The following RAB3IL1 variants were observed in gnomAD, a reference collection of about 807,000 sequenced individuals.
The protein encoded by RAB3IL1 is guanine nucleotide exchange factor for Rab-3A.
In RAB3IL1, 37 loss-of-function variants were observed where a neutral mutation model predicts 49.2. The ratio of observed to expected loss-of-function variants is 0.75; its 90% CI spans 0.58 to 0.99. The LOEUF (loss-of-function observed/expected upper bound fraction) is 0.99. Ranked by LOEUF, RAB3IL1 falls within the 50% of genes least tolerant of loss-of-function variation. RAB3IL1 has a pLI of 0.00. For missense variants in RAB3IL1, 484 were observed against 513.0 expected, an observed-to-expected ratio of 0.94 and a Z score of 0.55; for synonymous variants, 193 against 213.9, an observed-to-expected ratio of 0.90 and a Z score of 0.85.
chr11:61,933,985 C>CCA, the RAB3IL1 span, among the ~76,000 whole-genome samples: 2 of 151,906 alleles, frequency 1.3e-5, no homozygotes, highest in Non-Finnish European at 2.9e-5. Context: ...GCTATTAAGG[C>CCA]TCTACCAGTG....
At chr11:61,943,707 T>C in the RAB3IL1 span, among the ~76,000 whole-genome samples, 1 of 152,266 alleles carries the variant, frequency 6.6e-6, no homozygotes, top group African/African-American at 2.4e-5. Context: ...AATAAGCACA[T>C]GAGAAGATAC....
chr11:61,907,292 G>C, intron 4 of RAB3IL1, 101 bp downstream of exon 4: 1 of 1,274,648 alleles, frequency 7.8e-7, no homozygotes, highest in Non-Finnish European at 1.1e-6. Flanking sequence ...GCCCCACCGG[G>C]CCAGGTGAGC....
chr11:61,918,151 C>T (rs1305128703), upstream of RAB3IL1, among the ~76,000 whole-genome samples: 6 of 152,110 alleles, frequency 3.9e-5, no homozygotes, highest in African/African-American at 1.4e-4. Flanking sequence ...CCACCCCCAC[C>T]GACACACACA....
chr11:61,902,313 C>A (rs1032968005), intron 8 of RAB3IL1, 129 bp downstream of exon 8: 1 of 838,684 alleles, frequency 1.2e-6, no homozygotes, highest in East Asian at 2.8e-5. Flanking sequence ...GACTCTGTCT[C>A]AAAAAATAAA....
Position 61,917,344 on chromosome 11 carries a change from C to T in RAB3IL1, c.11+13G>A. The T allele has an allele frequency of 7.7e-7, 1 of 1,306,620 alleles. No individual in the cohort carries two copies. Among genetic ancestry groups the T allele is most frequent in the Non-Finnish European group, 9.7e-7 (1 of 1,027,930 alleles). The allele number at this position is 1,306,620 out of a possible 1,614,324, so 80.9% of individuals were successfully genotyped here. On this transcript the variant is annotated intron_variant, in intron 1 of 9. Coordinates refer to ENST00000394836, the MANE Select transcript of RAB3IL1 (RefSeq NM_013401.4). Reference sequence around the variant, plus strand: ...CAGACCCAGCGCGGGACCGCGAGCGCGCGCGGACCTACCCGCTCCACATCC... The same window carrying T: ...CAGACCCAGCGCGGGACCGCGAGCGTGCGCGGACCTACCCGCTCCACATCC...
In RAB3IL1 at chr11:61,904,558, C is replaced by G. The variant is rs1291464392; in HGVS notation, c.887G>C (p.Cys296Ser). ...LPTVKVAEVD[C>S]SSTNTCALSG... Reference sequence around the variant, plus strand: ...ACCCTCAGCTTACTTGGTGCTGCTACAGTCAACCTCGGCCACCTTCACTGT... The same window carrying G: ...ACCCTCAGCTTACTTGGTGCTGCTAGAGTCAACCTCGGCCACCTTCACTGT... Residue 296 changes from cysteine (C) to serine (S), a missense_variant, in exon 7 of 10, where the codon TGT (cysteine) becomes TCT (serine). Transcript: ENST00000394836. 1.2e-6 allele frequency: 2 copies of G among 1,610,658 alleles called. No individual in the cohort carries two copies. The highest frequency in any genetic ancestry group is 3.4e-5 in the Admixed American group (2 of 59,662).
chr11:61,937,198 A>T, the RAB3IL1 span, among the ~76,000 whole-genome samples: 1 of 152,220 alleles, frequency 6.6e-6, no homozygotes, highest in Non-Finnish European at 1.5e-5. Context: ...CAATAAAAAC[A>T]TGAAAGGTAG....
At chr11:61,904,088 T>C (rs746233268) in intron 7 of RAB3IL1, among the ~76,000 whole-genome samples, 17 of 151,782 alleles carry the variant, frequency 1.1e-4, no homozygotes, top group Non-Finnish European at 2.1e-4. Flanking sequence ...TCCCTCTCCG[T>C]GATGAGCCTC....
the RAB3IL1 span, among the ~76,000 whole-genome samples, chr11:61,931,583 G>A: frequency 0.49 from 74,573 of 151,830 alleles, 19,201 homozygotes; most frequent in East Asian, 0.87. Flanking sequence ...GTAAGCAGAA[G>A]AAAAGCAACT....
the RAB3IL1 span, among the ~76,000 whole-genome samples, chr11:61,927,996 A>C: frequency 6.6e-6 from 1 of 152,164 alleles, no homozygotes; most frequent in African/African-American, 2.4e-5. Flanking sequence ...CAAACTTTAT[A>C]CTTAAAGACT....
chr11:61,914,642 A>C (rs928558052), intron 1 of RAB3IL1, among the ~76,000 whole-genome samples: 1 of 152,156 alleles, frequency 6.6e-6, no homozygotes, highest in African/African-American at 2.4e-5. Context: ...CAGGAGTCCC[A>C]AAGAAGAGGA....
chr11:61,919,116 G>C (rs1939827496), upstream of RAB3IL1, among the ~76,000 whole-genome samples: 1 of 152,148 alleles, frequency 6.6e-6, no homozygotes, highest in African/African-American at 2.4e-5. Context: ...GACACAAAAG[G>C]AACCCAGCAC....
chr11:61,899,195 C>G, intron 9 of RAB3IL1, 119 bp downstream of exon 9: 1 of 1,156,084 alleles, frequency 8.6e-7, no homozygotes, highest in East Asian at 2.6e-5. Context: ...ACCCTCCCCG[C>G]TCCCCAGCCT....
At chr11:61,931,824 C>T in the RAB3IL1 span, among the ~76,000 whole-genome samples, 10 of 151,962 alleles carry the variant, frequency 6.6e-5, no homozygotes, top group Non-Finnish European at 1.3e-4. Context: ...GAAATGAAAA[C>T]AATGAGTAAG....
intron 8 of RAB3IL1, among the ~76,000 whole-genome samples, chr11:61,902,134 G>A (rs1938947846): frequency 6.6e-6 from 1 of 151,978 alleles, no homozygotes; most frequent in Non-Finnish European, 1.5e-5. Context: ...GGCCAACGTG[G>A]TGAAACCCCA....
chr11:61,944,193 C>T, the RAB3IL1 span, among the ~76,000 whole-genome samples: 1 of 112,576 alleles, frequency 8.9e-6, no homozygotes, highest in Non-Finnish European at 2.1e-5. Context: ...CCTTCCTTCC[C>T]TTCCTTCCTT....
rs937455094 is a variant in RAB3IL1 at position 61,906,169 on chromosome 11, T to C, written c.657+297A>G. ...TGTGTGTCTCAGTGGAGGCCCCAGATCCTCAGGGCCAAAGCCAGCCTCAGG... is the reference window on the plus strand; with the variant it reads ...TGTGTGTCTCAGTGGAGGCCCCAGACCCTCAGGGCCAAAGCCAGCCTCAGG... On this transcript the variant is annotated intron_variant, in intron 5 of 9. Transcript: ENST00000394836. This position sits in a 1 kb window ranked among gnomAD's most constrained non-coding sequence, Gnocchi z 4.6. Among the ~76,000 whole-genome samples, 5 of 151,934 alleles carry C rather than the reference T, an allele frequency of 3.3e-5. No individual in the cohort carries two copies. Among genetic ancestry groups the C allele is most frequent in the African/African-American group, 1.2e-4 (5 of 41,368 alleles).
chr11:61,929,782 C>T, the RAB3IL1 span, among the ~76,000 whole-genome samples: 3 of 150,874 alleles, frequency 2.0e-5, no homozygotes, highest in East Asian at 4.0e-4. Flanking sequence ...GACGGGGTTT[C>T]ACCACGTTGG....
At chr11:61,921,274 C>T (rs986893337), upstream of RAB3IL1, among the ~76,000 whole-genome samples, 3 of 152,166 alleles carry the variant, frequency 2.0e-5, no homozygotes, top group South Asian at 2.1e-4. Flanking sequence ...AACACAGGCC[C>T]GGGGTCAGAC....
Sources: allele counts gnomAD v4.1 joint callset (sites outside exome capture counted in the v4.1 genomes callset), GRCh38; gene constraint gnomAD v4.1.1; non-coding constraint Gnocchi (gnomAD v3.1); transcripts MANE v1.5; gene names NCBI Gene and HGNC (gene_info 2026-07-23, HGNC 2026-07-21).